Variants in ZNF280D observed in about 807,000 individuals in gnomAD.
ZNF280D encodes suppressor of hairy wing homolog 4.
In ZNF280D, 39 loss-of-function variants were observed where a neutral mutation model predicts 94.7. That is an observed-to-expected ratio of 0.41 (90% CI 0.32 to 0.54). The LOEUF (loss-of-function observed/expected upper bound fraction) is 0.54, where lower values mean the gene tolerates loss of function less well. Among genes scored for constraint, ZNF280D ranks in the 20% least tolerant of loss-of-function variants. The probability of loss-of-function intolerance (pLI) is 0.22; values close to 1 mark genes in which losing one functional copy is unlikely to be tolerated. For synonymous variants in ZNF280D, 398 were observed against 377.6 expected (o/e 1.05, Z -0.63); for missense variants, 1,090 against 1,149.3 (o/e 0.95, Z 0.75).
intron 20 of ZNF280D, among the ~76,000 whole-genome samples, chr15:56,641,087 A>G (rs1303887829): frequency 6.6e-6 from 1 of 152,068 alleles, no homozygotes; most frequent in East Asian, 1.9e-4. Flanking sequence ...TTTAATAAGC[A>G]CTGCCCTCAT....
At chr15:56,720,977 G>GGC (rs2058327109) in intron 1 of ZNF280D, among the ~76,000 whole-genome samples, 1 of 111,130 alleles carries the variant, frequency 9.0e-6, no homozygotes, top group South Asian at 4.1e-4. Context: ...TTTTGGGGGG[G>GGC]GGGGGGACAG....
In ZNF280D at chr15:56,643,017, T is replaced by C. The variant is rs2052706296; in HGVS notation, c.2214-20A>G. On this transcript the variant is annotated intron_variant, in intron 19 of 21. Transcript: ENST00000267807. ...TTTAATCTTGAAAACAAGATAAGTA[T>C]TGAATATTTTATTTTATATGTACGA... 1.0e-5 allele frequency: 15 copies of C among 1,437,892 alleles called. No homozygotes were observed. The highest frequency in any genetic ancestry group is 1.4e-5 in the Non-Finnish European group (15 of 1,082,722). 89.1% of individuals were successfully genotyped at this position (1,437,892 alleles called of 1,614,324 possible).
chr15:56,702,772 C>G (rs879492601), intron 4 of ZNF280D, among the ~76,000 whole-genome samples: 20 of 151,952 alleles, frequency 1.3e-4, no homozygotes, highest in Admixed American at 1.3e-3. Flanking sequence ...ATTGAAAATT[C>G]GATTGGTGAA....
intron 13 of ZNF280D, among the ~76,000 whole-genome samples, chr15:56,674,594 A>T (rs1241339377): frequency 1.3e-5 from 2 of 152,074 alleles, no homozygotes; most frequent in Non-Finnish European, 2.9e-5. Context: ...ACAATGTGAC[A>T]TTAGGCAAGT....
chr15:56,654,606 C>T (rs1244534301), intron 17 of ZNF280D, 103 bp from the exon 18 acceptor site: 4 of 973,510 alleles, frequency 4.1e-6, no homozygotes, highest in Non-Finnish European at 4.6e-6. Context: ...CCATACATAA[C>T]TATAACTTCC....
chr15:56,723,559 T>G (rs2058482842), intron 1 of ZNF280D, among the ~76,000 whole-genome samples: 1 of 152,208 alleles, frequency 6.6e-6, no homozygotes, highest in South Asian at 2.1e-4. Context: ...AAAGTTAGTT[T>G]TACTTTTGCA....
intron 14 of ZNF280D, 115 bp from the exon 15 acceptor site, chr15:56,667,101 T>C (rs917303602): frequency 1.3e-5 from 9 of 702,212 alleles, no homozygotes; most frequent in Non-Finnish European, 2.0e-5. Flanking sequence ...ACATATAAAC[T>C]ACAATCAGGT....
chr15:56,653,375 G>A (rs1169608970), intron 19 of ZNF280D: 5 of 1,293,572 alleles, frequency 3.9e-6, no homozygotes, highest in East Asian at 3.0e-5. Flanking sequence ...GGGCCTTAAA[G>A]CCATCTCTGG....
At chr15:56,715,895 A>G (rs1423741281) in intron 1 of ZNF280D, among the ~76,000 whole-genome samples, 1 of 152,176 alleles carries the variant, frequency 6.6e-6, no homozygotes, top group Non-Finnish European at 1.5e-5. Context: ...CAAAACCAAT[A>G]AACAGTAACA....
intron 1 of ZNF280D, among the ~76,000 whole-genome samples, chr15:56,722,309 G>A (rs1223743830): frequency 6.6e-6 from 1 of 152,164 alleles, no homozygotes; most frequent in African/African-American, 2.4e-5. Flanking sequence ...AAGTGCTCAC[G>A]CTGTTGGAAA....
In ZNF280D at chr15:56,727,314, T is replaced by G; in HGVS notation, c.-86+6144A>C. On this transcript the variant is annotated intron_variant, in intron 1 of 21. Transcript: ENST00000267807. ...GTCTCTACTAAAAATACAAAATTAG[T>G]CAGGCATGGTGGCGCACGCCTGTAG... is the stretch of plus-strand genomic sequence containing the variant. Among the ~76,000 whole-genome samples, 3 of 152,040 alleles carry G rather than the reference T, an allele frequency of 2.0e-5. 1 individual carries two copies. The highest frequency in any genetic ancestry group is 2.0e-4 in the Admixed American group (3 of 15,280).
rs71113013 is a variant in ZNF280D at position 56,665,703 on chromosome 15, C to CAA, written c.1994+690_1994+691dup. On this transcript the variant is annotated intron_variant, in intron 16 of 21. Transcript: ENST00000267807. Reference sequence around the variant, plus strand: ...TGGGCGACACAGCGAGACTCCGTCTCAAAAAAAAAAAAAAAAAAGGAGGAT... The same window carrying CAA: ...TGGGCGACACAGCGAGACTCCGTCTCAAAAAAAAAAAAAAAAAAAAGGAGGAT... Among the ~76,000 whole-genome samples the CAA allele has an allele frequency of 5.4e-3, 466 of 86,418 alleles. 19 individuals are homozygous for CAA. Among genetic ancestry groups the CAA allele is most frequent in the Non-Finnish European group, 7.4e-3 (343 of 46,492 alleles). The allele number at this position is 86,418 out of a possible 152,430, so 56.7% of individuals were successfully genotyped here. A position where few individuals can be genotyped will look rare whatever the true frequency, so the allele number is the denominator to read the frequency against.
At chr15:56,671,302 T>C (rs1334917402) in intron 13 of ZNF280D, among the ~76,000 whole-genome samples, 1 of 152,128 alleles carries the variant, frequency 6.6e-6, no homozygotes, top group Non-Finnish European at 1.5e-5. Context: ...GTTTTTATAG[T>C]TTTAGGTTTT....
At chr15:56,694,579 A>C (rs2056634816) in intron 6 of ZNF280D, among the ~76,000 whole-genome samples, 1 of 152,184 alleles carries the variant, frequency 6.6e-6, no homozygotes, top group African/African-American at 2.4e-5. Context: ...TTTCCAAATT[A>C]CCAGCCAAAG....
intron 20 of ZNF280D, chr15:56,635,709 CT>C (rs1452531059): frequency 1.3e-5 from 2 of 152,334 alleles, no homozygotes; most frequent in East Asian, 3.8e-4. Context: ...AACCCTTCCA[CT>C]GTCAAACCAA....
intron 3 of ZNF280D, among the ~76,000 whole-genome samples, chr15:56,706,585 G>A (rs1267469014): frequency 2.0e-5 from 3 of 151,964 alleles, no homozygotes; most frequent in East Asian, 1.9e-4. Context: ...CAATCCTAAC[G>A]ACACCTTCAT....
rs975334985 is a variant in ZNF280D at position 56,695,319 on chromosome 15, T to C, written c.382-2104A>G. Among the ~76,000 whole-genome samples the C allele has an allele frequency of 2.6e-5, 4 of 152,116 alleles. No homozygotes were observed. In the South Asian group the frequency reaches 8.3e-4, roughly 32 times the overall value. ...AACTTCTGACCTCAGGTGATCCACC[T>C]GCCTTGGCCTCCCAAAGTGCTGGGA... On this transcript the variant is annotated intron_variant, in intron 6 of 21. Coordinates refer to ENST00000267807, the MANE Select transcript of ZNF280D (RefSeq NM_017661.4).
intron 10 of ZNF280D, among the ~76,000 whole-genome samples, chr15:56,681,904 T>C (rs1297282049): frequency 1.3e-5 from 2 of 152,068 alleles, no homozygotes; most frequent in Non-Finnish European, 2.9e-5. Context: ...TGGTTCTTCT[T>C]GTAATGTGAA....
intron 13 of ZNF280D, among the ~76,000 whole-genome samples, chr15:56,674,251 A>G (rs891863532): frequency 1.3e-5 from 2 of 152,090 alleles, no homozygotes; most frequent in African/African-American, 4.8e-5. Flanking sequence ...CTAAGGTAGA[A>G]TACATTAATC....
Sources: gnomAD v4.1 joint callset for allele counts (sites outside exome capture counted in the v4.1 genomes callset) on GRCh38, gnomAD v4.1.1 for gene constraint, MANE v1.5 for transcripts, NCBI Gene and HGNC (gene_info 2026-07-23, HGNC 2026-07-21) for gene names.